Variants in NFE2L1 observed in about 807,000 individuals in gnomAD.
NFE2L1 encodes the protein NFE2 like bZIP transcription factor 1, also known as endoplasmic reticulum membrane sensor NFE2L1.
In NFE2L1, 18 loss-of-function variants were observed where a neutral mutation model predicts 61.6. That is an observed-to-expected ratio of 0.29 (90% CI 0.20 to 0.43). The LOEUF is 0.43. Ranked by LOEUF, NFE2L1 falls within the 20% of genes least tolerant of loss-of-function variation. The pLI is 1.00. For synonymous variants in NFE2L1, 419 were observed against 402.7 expected (o/e 1.04, Z -0.48); for missense variants, 827 against 973.5 (o/e 0.85, Z 2.00).
At chr17:48,056,267 G>T in intron 2 of NFE2L1, 119 bp from the exon 3 acceptor site, 1 of 1,028,914 alleles carries the variant, frequency 9.7e-7, no homozygotes, top group Non-Finnish European at 1.5e-6. Context: ...GGCAGGTGAA[G>T]AGCTGGGAGG....
At chr17:48,054,423 A>C in intron 2 of NFE2L1, 2 of 289,736 alleles carry the variant, frequency 6.9e-6, no homozygotes, top group Non-Finnish European at 6.1e-6. Context: ...CAGCTAGGTA[A>C]CAGGCGGTGG....
chr17:48,055,604 G>C (rs776013914), intron 2 of NFE2L1, among the ~76,000 whole-genome samples: 1 of 152,040 alleles, frequency 6.6e-6, no homozygotes, highest in African/African-American at 2.4e-5. Context: ...CACTGGTGTA[G>C]GGGACACAGT....
intron 2 of NFE2L1, chr17:48,054,556 G>C: frequency 8.2e-7 from 1 of 1,216,338 alleles, no homozygotes; most frequent in Non-Finnish European, 1.0e-6. Flanking sequence ...TGCTGACCTG[G>C]GGGAGGGGAT....
chr17:48,049,901 C>T (rs1598277427), intron 1 of NFE2L1, among the ~76,000 whole-genome samples: 1 of 152,114 alleles, frequency 6.6e-6, no homozygotes, highest in Non-Finnish European at 1.5e-5. Context: ...TCCAGCTTTA[C>T]TTTTAAGACA....
rs1321246107 is a variant in NFE2L1, at chr17:48,050,598, C to G, written c.-512-9C>G. Reference sequence around the variant, plus strand: ...TCTTATCCTGTTGCTTTTGTGATTCCCATTTCAGGTTTCTCTGGAAACCCC... The same window carrying G: ...TCTTATCCTGTTGCTTTTGTGATTCGCATTTCAGGTTTCTCTGGAAACCCC... On this transcript the variant is annotated splice_polypyrimidine_tract_variant and intron_variant, in intron 1 of 5. Coordinates refer to ENST00000362042, the MANE Select transcript of NFE2L1 (RefSeq NM_003204.3). 1 of 408,130 alleles carries G rather than the reference C, an allele frequency of 2.5e-6. No individual in the cohort carries two copies. Among genetic ancestry groups the G allele is most frequent in the African/African-American group, 2.1e-5 (1 of 48,640 alleles). 25.3% of individuals were successfully genotyped at this position (408,130 alleles called of 1,614,324 possible).
chr17:48,056,562 A>G lies in NFE2L1; in HGVS notation c.687A>G (p.Leu229=), dbSNP rs374921050. Residue 229 remains leucine (L), a synonymous_variant, in exon 3 of 6, where the codon CTA becomes CTG. Coordinates refer to ENST00000362042, the MANE Select transcript of NFE2L1 (RefSeq NM_003204.3). ...EGAEALARNL[L]VDGETGESFP... is the part of the protein sequence containing the mutation. The stretch of plus-strand genomic sequence containing the variant: ...CGGAAGCTCTGGCACGGAACCTGCT[A>G]GTGGATGGAGAGACTGGGGAGAGCT... The G allele has an allele frequency of 1.9e-6, 3 of 1,613,690 alleles. No homozygotes were observed. Among genetic ancestry groups the G allele is most frequent in the Non-Finnish European group, 2.5e-6 (3 of 1,179,938 alleles).
Position 48,051,066 on chromosome 17 carries a change from T to C in NFE2L1, c.-53T>C. The C allele has an allele frequency of 1.2e-6, 2 of 1,611,376 alleles. No homozygotes were observed. Among genetic ancestry groups the C allele is most frequent in the Non-Finnish European group, 1.7e-6 (2 of 1,178,674 alleles). On this transcript the variant is annotated 5_prime_UTR_variant, in exon 2 of 6. Transcript: ENST00000362042. ...GCGGCAGAGCAGTGGCCTTGATTTG[T>C]CTTTTGGAAGATTTTAAAAACCAAA...
intron 2 of NFE2L1, chr17:48,054,855 G>C (rs2037352676): frequency 8.9e-6 from 12 of 1,347,636 alleles, no homozygotes; most frequent in Non-Finnish European, 1.1e-5. Flanking sequence ...GGGGCTGGCT[G>C]GGCCGCCCAG....
intron 2 of NFE2L1, chr17:48,055,127 C>T (rs1305969380): frequency 2.1e-6 from 3 of 1,422,806 alleles, no homozygotes; most frequent in South Asian, 1.4e-5. Context: ...CGCCTCTGCT[C>T]CTGGGTCCAG....
chr17:48,057,044 G>A lies in NFE2L1; in HGVS notation c.736G>A (p.Glu246Lys). The A allele has an allele frequency of 6.2e-7, 1 of 1,614,078 alleles. No individual in the cohort carries two copies. Among genetic ancestry groups the A allele is most frequent in the Admixed American group, 1.7e-5 (1 of 59,994 alleles). Reference protein sequence around the residue: ...ESFPAQVPSGEDQTALSLEEC... With the variant: ...ESFPAQVPSGKDQTALSLEEC... The stretch of plus-strand genomic sequence containing the variant: ...CCTGTTGCCACAGGTGCCTAGTGGG[G>A]AGGACCAGACGGCCCTGTCCCTGGA... Residue 246 changes from glutamate (E) to lysine (K), a missense_variant, in exon 4 of 6, where the codon GAG becomes AAG. By Grantham distance (56) the Glu-to-Lys change is moderately conservative. Coordinates refer to ENST00000362042, the MANE Select transcript of NFE2L1 (RefSeq NM_003204.3).
rs2037409767 is a variant in NFE2L1, at chr17:48,056,680, TC to T, written c.723+84del. 7 of 1,518,232 alleles carry T rather than the reference TC, an allele frequency of 4.6e-6. No individual in the cohort carries two copies. The Admixed American group carries it at 1.4e-4, about 30-fold the overall frequency. 94.0% of individuals were successfully genotyped at this position (1,518,232 alleles called of 1,614,324 possible). A position where few individuals can be genotyped will look rare whatever the true frequency, so the allele number is the denominator to read the frequency against. Reference sequence around the variant, plus strand: ...CCAGGCTGGAGTTCTTCCAGAAACTTCCTTTAGAGAAGACAGGTGGTGTGTG... The same window carrying T: ...CCAGGCTGGAGTTCTTCCAGAAACTTCTTTAGAGAAGACAGGTGGTGTGTG... On this transcript the variant is annotated intron_variant, in intron 3 of 5. Transcript: ENST00000362042.
Position 48,060,836 on chromosome 17 carries a change from G to C in NFE2L1, c.*1195G>C, listed in dbSNP as rs952219309. The C allele has an allele frequency of 6.6e-6, 1 of 152,604 alleles. No individual in the cohort carries two copies. Among genetic ancestry groups the C allele is most frequent in the African/African-American group, 2.4e-5 (1 of 41,422 alleles). The allele number at this position is 152,604 out of a possible 1,614,324, so 9.5% of individuals were successfully genotyped here. On this transcript the variant is annotated 3_prime_UTR_variant, in exon 6 of 6. Transcript: ENST00000362042. ...ATTTCTTGCGCTTTGATTTTTTTAG[G>C]GCTTGTGCCCTGTTTCACTTATAGG...
chr17:48,055,719 T>C (rs1286549930), intron 2 of NFE2L1, among the ~76,000 whole-genome samples: 1 of 152,050 alleles, frequency 6.6e-6, no homozygotes, highest in Non-Finnish European at 1.5e-5. Flanking sequence ...GAGGGAATTC[T>C]GGCGGGGATG....
In NFE2L1 at chr17:48,059,776, C is replaced by T. The variant is rs2037502746; in HGVS notation, c.*135C>T. The T allele has an allele frequency of 9.9e-6, 13 of 1,319,006 alleles. 1 individual carries two copies. The highest frequency in any genetic ancestry group is 3.2e-5 in the South Asian group (2 of 63,110). 81.7% of individuals were successfully genotyped at this position (1,319,006 alleles called of 1,614,324 possible). On this transcript the variant is annotated 3_prime_UTR_variant, in exon 6 of 6. Transcript: ENST00000362042. The surrounding 1 kb of genome is among the most constrained non-coding windows in gnomAD (Gnocchi z 6.1). ...TATATCTTCTCAGATGGGATGACTG[C>T]GGGTCAGTGTACAGGAAGAGGCAGG...
chr17:48,054,455 A>C, intron 2 of NFE2L1: 3 of 439,480 alleles, frequency 6.8e-6, no homozygotes, highest in Non-Finnish European at 6.9e-6. Flanking sequence ...CTCCTTCCGC[A>C]TCTCCAGCGG....
intron 2 of NFE2L1, chr17:48,054,545 C>T: frequency 8.4e-7 from 1 of 1,190,436 alleles, no homozygotes; most frequent in Non-Finnish European, 1.0e-6. Context: ...CGCAGCCCAG[C>T]TGCTGACCTG....
chr17:48,055,237 G>A (rs2037369980), intron 2 of NFE2L1: 1 of 1,264,878 alleles, frequency 7.9e-7, no homozygotes, highest in Non-Finnish European at 1.0e-6. Context: ...CCGACTTAGA[G>A]GTAGGGAGGA....
intron 1 of NFE2L1, chr17:48,049,141 A>C (rs1336954262): frequency 6.6e-6 from 1 of 152,280 alleles, no homozygotes; most frequent in Non-Finnish European, 1.5e-5. Context: ...GATGGGTCAC[A>C]ACGCAGGAGA....
In NFE2L1 at chr17:48,060,773, CACA is replaced by C. The variant is rs1190013461; in HGVS notation, c.*1135_*1137del. On this transcript the variant is annotated 3_prime_UTR_variant, in exon 6 of 6. Transcript: ENST00000362042. ...ATCACTGGGAAAACACAAAAAATTA[CACA>C]ACCCAGCAACAACAAAAGAACTAGT... The C allele has an allele frequency of 6.5e-6, 1 of 152,686 alleles. No homozygotes were observed. The highest frequency in any genetic ancestry group is 1.5e-5 in the Non-Finnish European group (1 of 68,072). The allele number at this position is 152,686 out of a possible 1,614,324, so 9.5% of individuals were successfully genotyped here. A position where few individuals can be genotyped will look rare whatever the true frequency, so the allele number is the denominator to read the frequency against.
Sources: allele counts gnomAD v4.1 joint callset (sites outside exome capture counted in the v4.1 genomes callset), GRCh38; gene constraint gnomAD v4.1.1; non-coding constraint Gnocchi (gnomAD v3.1); transcripts MANE v1.5; gene names NCBI Gene and HGNC (gene_info 2026-07-23, HGNC 2026-07-21).